Variants in RTN1 observed in about 807,000 individuals in gnomAD.
RTN1 encodes the protein reticulon 1.
RTN1 carries 25 observed loss-of-function variants against 65.5 expected under a neutral mutation model. That is an observed-to-expected ratio of 0.38 (90% confidence interval 0.28 to 0.53). The LOEUF is 0.53. Among genes scored for constraint, RTN1 ranks in the 20% least tolerant of loss-of-function variants. The probability of loss-of-function intolerance (pLI) is 0.79; values close to 1 mark genes in which losing one functional copy is unlikely to be tolerated. For missense variants in RTN1, 983 were observed against 1,025.4 expected, an observed-to-expected ratio of 0.96 and a Z score of 0.57; for synonymous variants, 471 against 447.6, an observed-to-expected ratio of 1.05 and a Z score of -0.66.
chr14:59,670,873 G>C (rs981106619), intron 3 of RTN1, among the ~76,000 whole-genome samples: 2 of 152,112 alleles, frequency 1.3e-5, no homozygotes, highest in Admixed American at 6.6e-5. Flanking sequence ...ACAGCAACAT[G>C]GTTATTAACA....
chr14:59,605,488 C>G lies in RTN1; in HGVS notation c.1992G>C (p.Glu664Asp), dbSNP rs1881713968. Residue 664 changes from glutamate to aspartate, a missense_variant, in exon 5 of 9, where the codon GAG becomes GAC. Physicochemically the swap from Glu to Asp is conservative, Grantham distance 45 (BLOSUM62 2). Coordinates refer to ENST00000267484, the MANE Select transcript of RTN1 (RefSeq NM_021136.3). ...GAATCTGCTCCTGAGAAAGGGTGAT[C>G]TCAAGCTCCAAGTAGGCCCTGTCAA... ...GHPFKAYLEL[E>D]ITLSQEQIQK... is the part of the protein sequence containing the mutation. The G allele has an allele frequency of 1.2e-6, 2 of 1,613,942 alleles. No homozygotes were observed. The highest frequency in any genetic ancestry group is 2.7e-5 in the African/African-American group (2 of 74,896).
At chr14:59,598,383 G>A (rs1881473673) in intron 8 of RTN1, among the ~76,000 whole-genome samples, 1 of 152,218 alleles carries the variant, frequency 6.6e-6, no homozygotes, top group Admixed American at 6.5e-5. Context: ...GTTCTGGGGT[G>A]AGATTGCACG....
At chr14:59,669,169 A>G (rs182913864) in intron 3 of RTN1, among the ~76,000 whole-genome samples, 1,772 of 152,300 alleles carry the variant, frequency 0.012, 142 homozygotes, top group Admixed American at 0.11. Flanking sequence ...TGTTTATTGC[A>G]GCAATATTCC....
intron 1 of RTN1, among the ~76,000 whole-genome samples, chr14:59,818,614 G>T (rs1253268): frequency 0.97 from 148,305 of 152,342 alleles, 72,263 homozygotes; most frequent in Middle Eastern, 1. Flanking sequence ...CGAATAGTAT[G>T]ATGATGAACA....
At chr14:59,819,237 G>A (rs57869850) in intron 1 of RTN1, among the ~76,000 whole-genome samples, 25,785 of 151,938 alleles carry the variant, frequency 0.17, 2,671 homozygotes, top group East Asian at 0.31. Context: ...TGTGAAGAGC[G>A]AAAGAACTAA....
chr14:59,663,072 T>C (rs530423364), intron 3 of RTN1, among the ~76,000 whole-genome samples: 5 of 152,180 alleles, frequency 3.3e-5, no homozygotes, highest in Non-Finnish European at 5.9e-5. Context: ...AACAGATATA[T>C]AGACTAATGG....
intron 5 of RTN1, chr14:59,604,140 G>A (rs1361591179): frequency 6.6e-6 from 2 of 304,850 alleles, no homozygotes; most frequent in African/African-American, 4.2e-5. Context: ...AGGTTTGAGG[G>A]ACTCAAGGAA....
At chr14:59,817,267 T>A (rs951168210) in intron 1 of RTN1, among the ~76,000 whole-genome samples, 1 of 152,090 alleles carries the variant, frequency 6.6e-6, no homozygotes, top group African/African-American at 2.4e-5. Flanking sequence ...TGGTAAGTGC[T>A]ATGAAGAAAA....
intron 3 of RTN1, among the ~76,000 whole-genome samples, chr14:59,617,575 T>C (rs976230177): frequency 3.3e-5 from 5 of 152,200 alleles, no homozygotes; most frequent in Non-Finnish European, 5.9e-5. Flanking sequence ...AGAAAAATTA[T>C]GATTCAAAAG....
chr14:59,647,939 T>C (rs1229421989), intron 3 of RTN1, among the ~76,000 whole-genome samples: 4 of 151,776 alleles, frequency 2.6e-5, no homozygotes, highest in Admixed American at 6.6e-5. Flanking sequence ...ATAACCAAAA[T>C]CAGGGCTGAA....
At chr14:59,749,670 T>TC in intron 1 of RTN1, among the ~76,000 whole-genome samples, 1 of 92,722 alleles carries the variant, frequency 1.1e-5, no homozygotes, top group Non-Finnish European at 1.8e-5. Context: ...TCTATATATA[T>TC]TTATATATCT....
At chr14:59,613,550 G>A (rs767741261) in intron 3 of RTN1, among the ~76,000 whole-genome samples, 7 of 151,954 alleles carry the variant, frequency 4.6e-5, no homozygotes, top group African/African-American at 1.7e-4. Context: ...CACCTGCCTC[G>A]GCCTCCCAAA....
chr14:59,779,673 C>A (rs115080775), intron 1 of RTN1, among the ~76,000 whole-genome samples: 1 of 152,000 alleles, frequency 6.6e-6, no homozygotes, highest in African/African-American at 2.4e-5. Flanking sequence ...ATTTTCACGG[C>A]GTTTTGAAAC....
At chr14:59,722,445 A>G (rs1884666324) in intron 3 of RTN1, among the ~76,000 whole-genome samples, 1 of 152,188 alleles carries the variant, frequency 6.6e-6, no homozygotes, top group African/African-American at 2.4e-5. Context: ...GAACTCAGGG[A>G]CAACACAGAG....
At chr14:59,607,553 T>C in intron 3 of RTN1, 61 bp from the exon 4 acceptor site, 4 of 1,397,580 alleles carry the variant, frequency 2.9e-6, no homozygotes, top group South Asian at 1.2e-5. Context: ...TGAGCCGCTG[T>C]GGCTCACTCC....
At chr14:59,735,287 T>C (rs1884980522) in intron 2 of RTN1, among the ~76,000 whole-genome samples, 1 of 152,054 alleles carries the variant, frequency 6.6e-6, no homozygotes, top group Non-Finnish European at 1.5e-5. Context: ...AAAAACACAT[T>C]GAAGTATACA....
At chr14:59,784,443 G>GA (rs200051471) in intron 1 of RTN1, among the ~76,000 whole-genome samples, 5,849 of 126,844 alleles carry the variant, frequency 0.046, 318 homozygotes, top group African/African-American at 0.13. Context: ...CTCCGTCTCA[G>GA]AAAAAAAAAA....
intron 3 of RTN1, among the ~76,000 whole-genome samples, chr14:59,700,908 CCATCAAG>C (rs1311780165): frequency 1.3e-5 from 2 of 151,964 alleles, no homozygotes; most frequent in Non-Finnish European, 2.9e-5. Flanking sequence ...TCAAAGGACA[CCATCAAG>C]AAAGTGAAAA....
chr14:59,649,560 T>TA (rs201508568), intron 3 of RTN1, among the ~76,000 whole-genome samples: 4,238 of 149,912 alleles, frequency 0.028, 98 homozygotes, highest in African/African-American at 0.065. Context: ...AACAAATTTA[T>TA]AAAAAAAAAC....
Sources: gnomAD v4.1 joint callset for allele counts (sites outside exome capture counted in the v4.1 genomes callset) on GRCh38, gnomAD v4.1.1 for gene constraint, MANE v1.5 for transcripts, NCBI Gene and HGNC (gene_info 2026-07-23, HGNC 2026-07-21) for gene names.